The following ATP5MF variants were observed in gnomAD, a reference collection of about 807,000 sequenced individuals.
The protein encoded by ATP5MF is ATP synthase membrane subunit f.
Under a neutral mutation model 13.8 loss-of-function variants are expected in ATP5MF, and 10 were observed. The ratio of observed to expected loss-of-function variants is 0.72; its 90% CI spans 0.45 to 1.23. ATP5MF has a LOEUF of 1.23. ATP5MF is among the 50% of genes most tolerant of loss of function. The pLI is 0.00. For synonymous variants in ATP5MF, 40 were observed against 45.8 expected, an observed-to-expected ratio of 0.87 and a Z score of 0.51; for missense variants, 122 against 118.2, an observed-to-expected ratio of 1.03 and a Z score of -0.15.
At chr7:99,458,894 G>A (rs1274712776) in intron 3 of ATP5MF, 1 of 457,994 alleles carries the variant, frequency 2.2e-6, no homozygotes, top group African/African-American at 2.0e-5. Context: ...TTTAAAGAAT[G>A]CTTCTAAGTA....
At chr7:99,465,934 T>C (rs559860289) in intron 1 of ATP5MF, among the ~76,000 whole-genome samples, 177 bp downstream of exon 1, 4 of 152,302 alleles carry the variant, frequency 2.6e-5, no homozygotes, top group Admixed American at 1.3e-4. Context: ...GCGCAGGCCC[T>C]GGGCAGCAGG....
chr7:99,458,439 C>A, intron 3 of ATP5MF, 84 bp from the exon 4 acceptor site: 1 of 1,392,890 alleles, frequency 7.2e-7, no homozygotes, highest in South Asian at 1.3e-5. Flanking sequence ...TGAGATCACA[C>A]AAAGCCTTCC....
chr7:99,462,660 C>T (rs536601258), intron 1 of ATP5MF, among the ~76,000 whole-genome samples: 4 of 148,156 alleles, frequency 2.7e-5, no homozygotes, highest in South Asian at 2.2e-4. Context: ...CTGTAGTCCC[C>T]GCTACTCGGG....
At chr7:99,465,208 G>A (rs779600304) in intron 1 of ATP5MF, among the ~76,000 whole-genome samples, 1 of 151,072 alleles carries the variant, frequency 6.6e-6, no homozygotes, top group African/African-American at 2.4e-5. Flanking sequence ...ACAGTGAGCC[G>A]AGATCACACC....
Position 99,458,204 on chromosome 7 carries a change from T to G in ATP5MF, c.*123A>C. ...AGGCAATCAGCACACGTACCAGTCA[T>G]GTTTTATTTGGAGGTTAATTCCTAT... On this transcript the variant is annotated 3_prime_UTR_variant, in exon 4 of 4. Transcript: ENST00000292475. 3.9e-6 allele frequency: 4 copies of G among 1,016,822 alleles called. No individual in the cohort carries two copies. Among genetic ancestry groups the G allele is most frequent in the Non-Finnish European group, 5.8e-6 (4 of 691,658 alleles). The allele number at this position is 1,016,822 out of a possible 1,614,324, so 63.0% of individuals were successfully genotyped here.
intron 1 of ATP5MF, among the ~76,000 whole-genome samples, chr7:99,464,686 C>T (rs959492271): frequency 1.3e-5 from 2 of 151,496 alleles, no homozygotes; most frequent in East Asian, 2.0e-4. Flanking sequence ...AGAGGTCAGG[C>T]GCAGTGGCTC....
At chr7:99,462,439 G>C (rs528853084) in intron 1 of ATP5MF, among the ~76,000 whole-genome samples, 2 of 149,276 alleles carry the variant, frequency 1.3e-5, no homozygotes, top group South Asian at 4.3e-4. Context: ...CTACACTCCA[G>C]CCTGGGTGAC....
intron 1 of ATP5MF, among the ~76,000 whole-genome samples, chr7:99,465,835 G>A (rs1202235019): frequency 2.0e-5 from 3 of 152,228 alleles, no homozygotes; most frequent in Non-Finnish European, 1.5e-5. Context: ...TTTCTTAGCG[G>A]AAAGAGGAAC....
intron 1 of ATP5MF, chr7:99,460,601 C>G: frequency 2.1e-6 from 1 of 482,690 alleles, no homozygotes; most frequent in South Asian, 1.5e-5. Flanking sequence ...GGGATAGACT[C>G]AGAGAGGTTG....
At position 99,466,151 on chromosome 7, in the gene ATP5MF, C is replaced by G. The variant is rs1353262825; in HGVS notation, c.-10G>C. Reference sequence around the variant, plus strand: ...CACCAACTGACGCCATTTTGGAGTCCTGGTGTCCGCTGTGCCGGACCGCGC... The same window carrying G: ...CACCAACTGACGCCATTTTGGAGTCGTGGTGTCCGCTGTGCCGGACCGCGC... On this transcript the variant is annotated 5_prime_UTR_variant, in exon 1 of 4. Coordinates refer to ENST00000292475, the MANE Select transcript of ATP5MF (RefSeq NM_004889.5). 1 of 1,614,082 alleles carries G rather than the reference C, an allele frequency of 6.2e-7. No homozygotes were observed. The highest frequency in any genetic ancestry group is 1.3e-5 in the African/African-American group (1 of 74,954).
At position 99,460,073 on chromosome 7, in the gene ATP5MF, A is replaced by AC. The variant is rs1798529473; in HGVS notation, c.139+12dup. ...GATTTGCTTTCATTTACAGACATCC[A>AC]CAAGGCTCTGACCTCTTTGAAACGC... On this transcript the variant is annotated intron_variant, in intron 2 of 3. Transcript: ENST00000292475. 1 of 1,593,336 alleles carries AC rather than the reference A, an allele frequency of 6.3e-7. No homozygotes were observed. Among genetic ancestry groups the AC allele is most frequent in the Admixed American group, 1.9e-5 (1 of 53,106 alleles).
At chr7:99,460,390 A>C in intron 1 of ATP5MF, 197 bp from the exon 2 acceptor site, 1 of 728,114 alleles carries the variant, frequency 1.4e-6, no homozygotes, top group South Asian at 1.5e-5. Context: ...CAATAGCAGA[A>C]CTGCTGCAGG....
chr7:99,466,158 C>G lies in ATP5MF; in HGVS notation c.-17G>C. ...TGACGCCATTTTGGAGTCCTGGTGTCCGCTGTGCCGGACCGCGCGAGGGCT... is the reference window on the plus strand; with the variant it reads ...TGACGCCATTTTGGAGTCCTGGTGTGCGCTGTGCCGGACCGCGCGAGGGCT... On this transcript the variant is annotated 5_prime_UTR_variant, in exon 1 of 4. Coordinates refer to ENST00000292475, the MANE Select transcript of ATP5MF (RefSeq NM_004889.5). 1 of 1,614,176 alleles carries G rather than the reference C, an allele frequency of 6.2e-7. No individual in the cohort carries two copies. Among genetic ancestry groups the G allele is most frequent in the Non-Finnish European group, 8.5e-7 (1 of 1,180,032 alleles).
Position 99,459,130 on chromosome 7 carries a change from G to A in ATP5MF, c.256+17C>T, listed in dbSNP as rs200225509. On this transcript the variant is annotated intron_variant, in intron 3 of 3. Coordinates refer to ENST00000292475, the MANE Select transcript of ATP5MF (RefSeq NM_004889.5). ...CTCTCATGGGAACTAAAGGCAAGAC[G>A]CCGCAGAGGCACTCACTGAGATGCT... 167 of 1,592,838 alleles carry A rather than the reference G, an allele frequency of 1.0e-4. No homozygotes were observed. The African/African-American group carries it at 2.0e-3, about 19-fold the overall frequency.
intron 1 of ATP5MF, among the ~76,000 whole-genome samples, chr7:99,464,732 A>G (rs990656893): frequency 6.6e-6 from 1 of 152,180 alleles, no homozygotes; most frequent in Admixed American, 6.6e-5. Flanking sequence ...AGGTCGAAGC[A>G]GGTGACTCAC....
chr7:99,460,394 C>T, intron 1 of ATP5MF: 3 of 724,568 alleles, frequency 4.1e-6, no homozygotes, highest in Non-Finnish European at 7.3e-6. Flanking sequence ...AGCAGAACTG[C>T]TGCAGGGACA....
Position 99,466,102 on chromosome 7 carries a change from C to G in ATP5MF, c.31+9G>C, listed in dbSNP as rs116894034. ...TCCTGCTTCCACCACGGAGTCCAAA[C>G]AGCCTTACCTGGGGCCGGACACTCA... On this transcript the variant is annotated intron_variant, in intron 1 of 3. Transcript: ENST00000292475. The G allele has an allele frequency of 1.2e-6, 2 of 1,614,052 alleles. No homozygotes were observed. Among genetic ancestry groups the G allele is most frequent in the Admixed American group, 1.7e-5 (1 of 60,008 alleles).
At chr7:99,459,106 T>G in intron 3 of ATP5MF, 41 bp downstream of exon 3, 1 of 1,486,830 alleles carries the variant, frequency 6.7e-7, no homozygotes, top group Middle Eastern at 2.3e-4. Flanking sequence ...ACCACCACCC[T>G]CTCATGGGAA....
chr7:99,460,490 G>T (rs1279764453), intron 1 of ATP5MF: 1 of 626,694 alleles, frequency 1.6e-6, no homozygotes, highest in African/African-American at 1.8e-5. Flanking sequence ...TAACGTGGCG[G>T]ACAGGAAAGA....
Sources: allele counts gnomAD v4.1 joint callset (sites outside exome capture counted in the v4.1 genomes callset), GRCh38; gene constraint gnomAD v4.1.1; transcripts MANE v1.5; gene names NCBI Gene and HGNC (gene_info 2026-07-23, HGNC 2026-07-21).